The following OLFM2 variants were observed in gnomAD, a reference collection of about 807,000 sequenced individuals.
OLFM2 encodes the protein noelin-2.
OLFM2 carries 20 observed loss-of-function variants against 43.9 expected under a neutral mutation model. The observed-to-expected ratio is 0.46, with a 90% CI of 0.32 to 0.66. The LOEUF (loss-of-function observed/expected upper bound fraction) is 0.66, where lower values mean the gene tolerates loss of function less well. Among genes scored for constraint, OLFM2 ranks in the 30% least tolerant of loss-of-function variants. The pLI, the probability that OLFM2 is intolerant of heterozygous loss-of-function variation, is 0.04. For missense variants in OLFM2, 416 were observed against 643.6 expected, an observed-to-expected ratio of 0.65 and a Z score of 3.83; for synonymous variants, 268 against 278.6, an observed-to-expected ratio of 0.96 and a Z score of 0.38.
At chr19:9,908,921 G>C (rs933242180) in intron 1 of OLFM2, among the ~76,000 whole-genome samples, 1 of 152,124 alleles carries the variant, frequency 6.6e-6, no homozygotes, top group Non-Finnish European at 1.5e-5. Flanking sequence ...GTCCAGGCTG[G>C]TCTCGAACTC....
In OLFM2 at chr19:9,857,569, C is replaced by G; in HGVS notation, c.361-87G>C. ...CCAACCTCTGACTCATAACTTCACC[C>G]TTTGTCTTTGATGCACACCTGGCCC... On this transcript the variant is annotated intron_variant, in intron 3 of 5. Transcript: ENST00000264833. This position sits in a 1 kb window ranked among gnomAD's most constrained non-coding sequence, Gnocchi z 5.7. 1.3e-6 allele frequency: 2 copies of G among 1,562,608 alleles called. No homozygotes were observed. Among genetic ancestry groups the G allele is most frequent in the East Asian group, 2.3e-5 (1 of 44,158 alleles).
chr19:9,856,791 G>A lies in OLFM2; in HGVS notation c.687+16C>T. 6.2e-7 allele frequency: 1 copy of A among 1,604,540 alleles called. No individual in the cohort carries two copies. The highest frequency in any genetic ancestry group is 1.1e-5 in the South Asian group (1 of 90,248). Reference sequence around the variant, plus strand: ...CCTCCCAGGCCCTGACCCCAGGGGTGGGCGCAGTCACTCACCCGGCTATCC... The same window carrying A: ...CCTCCCAGGCCCTGACCCCAGGGGTAGGCGCAGTCACTCACCCGGCTATCC... On this transcript the variant is annotated intron_variant, in intron 5 of 5. Transcript: ENST00000264833. This position sits in a 1 kb window ranked among gnomAD's most constrained non-coding sequence, Gnocchi z 4.0.
intron 1 of OLFM2, among the ~76,000 whole-genome samples, chr19:9,883,589 G>A (rs1353017864): frequency 6.6e-6 from 1 of 152,120 alleles, no homozygotes; most frequent in Non-Finnish European, 1.5e-5. Flanking sequence ...AGCCAGAGGA[G>A]GCTGAAGACT....
intron 1 of OLFM2, among the ~76,000 whole-genome samples, chr19:9,933,082 C>T (rs1316081529): frequency 6.6e-6 from 1 of 152,148 alleles, no homozygotes; most frequent in East Asian, 1.9e-4. Flanking sequence ...TACCCCAGGG[C>T]CTTTGCACCT....
intron 1 of OLFM2, among the ~76,000 whole-genome samples, chr19:9,906,300 A>G (rs1599492886): frequency 6.8e-6 from 1 of 147,530 alleles, no homozygotes; most frequent in African/African-American, 2.7e-5. Context: ...GCGGGCACAC[A>G]GGGTGGGGGA....
At position 9,854,259 on chromosome 19, in the gene OLFM2, G is replaced by A. The variant is rs1311468997; in HGVS notation, c.1292C>T (p.Thr431Ile). 3 of 1,614,144 alleles carry A rather than the reference G, an allele frequency of 1.9e-6. No homozygotes were observed. The highest frequency in any genetic ancestry group is 4.5e-5 in the East Asian group (2 of 44,868). Residue 431 changes from threonine to isoleucine, a missense_variant, in exon 6 of 6, where the codon ACC becomes ATC. Coordinates refer to ENST00000264833, the MANE Select transcript of OLFM2 (RefSeq NM_058164.4). This position sits in a 1 kb window ranked among gnomAD's most constrained non-coding sequence, Gnocchi z 9.5. ...GAGCACCTGGTGGCCGTTGTTCCAG[G>A]TATAGAGGGCGCGCTCCCGGGGGTT... ...DYNPRERALYTWNNGHQVLYN... is the reference protein window; with the variant it reads ...DYNPRERALYIWNNGHQVLYN...
chr19:9,908,464 A>ATTTTTTTTTTTTTTTTTTTTTTTTTTTT (rs34305631), intron 1 of OLFM2, among the ~76,000 whole-genome samples: 1 of 40,364 alleles, frequency 2.5e-5, no homozygotes, highest in African/African-American at 1.2e-4. Context: ...CACCTGGCTA[A>ATTTTTTTTTTTTTTTTTTTTTTTTTTTT]TTTTTTTTTT....
chr19:9,867,181 G>C (rs952326404), intron 1 of OLFM2, among the ~76,000 whole-genome samples: 4 of 152,150 alleles, frequency 2.6e-5, no homozygotes, highest in African/African-American at 9.7e-5. Flanking sequence ...GACCAGTCTG[G>C]CCAACATGGT....
intron 1 of OLFM2, among the ~76,000 whole-genome samples, chr19:9,869,741 C>G (rs1316962043): frequency 6.6e-6 from 1 of 152,190 alleles, no homozygotes; most frequent in African/African-American, 2.4e-5. Context: ...CATCAGCTTC[C>G]TGAGCATCTG....
intron 1 of OLFM2, among the ~76,000 whole-genome samples, chr19:9,865,182 G>A (rs967980506): frequency 8.7e-5 from 12 of 138,522 alleles, no homozygotes; most frequent in African/African-American, 3.4e-4. Flanking sequence ...TTTTTTTTTT[G>A]GAGATGGAGT....
rs1265499414 is a variant in OLFM2, at chr19:9,936,460, G to A, written c.-94C>T. 2 of 930,066 alleles carry A rather than the reference G, an allele frequency of 2.2e-6. No individual in the cohort carries two copies. The highest frequency in any genetic ancestry group is 9.7e-5 in the South Asian group (2 of 20,670). 57.6% of individuals were successfully genotyped at this position (930,066 alleles called of 1,614,324 possible). ...CAGGCGCGACCCCGCCCGCCCGGCC[G>A]GGGCGACCCTGCGCCGCCGCCTCCC... On this transcript the variant is annotated 5_prime_UTR_variant, in exon 1 of 6. Transcript: ENST00000264833.
intron 1 of OLFM2, among the ~76,000 whole-genome samples, chr19:9,891,616 CAAAA>C (rs1373918070): frequency 1.9e-5 from 2 of 107,574 alleles, no homozygotes; most frequent in Non-Finnish European, 2.0e-5. Flanking sequence ...GACTCCATCT[CAAAA>C]AAAAAAAAAA....
chr19:9,922,746 C>G, intron 1 of OLFM2, among the ~76,000 whole-genome samples: 1 of 151,078 alleles, frequency 6.6e-6, no homozygotes, highest in Non-Finnish European at 1.5e-5. Context: ...GGCAAAACCC[C>G]GTCTCTACAA....
At chr19:9,855,862 G>A (rs761850008) in intron 5 of OLFM2, among the ~76,000 whole-genome samples, 5 of 152,018 alleles carry the variant, frequency 3.3e-5, no homozygotes, top group Non-Finnish European at 7.4e-5. Flanking sequence ...CAGACCCTAA[G>A]TGGACAATGC....
At chr19:9,929,332 C>T (rs1307153574) in intron 1 of OLFM2, among the ~76,000 whole-genome samples, 1 of 152,132 alleles carries the variant, frequency 6.6e-6, no homozygotes. Context: ...GTGGCTCACA[C>T]CTGTAATCCC....
chr19:9,902,051 T>C (rs181555671), intron 1 of OLFM2, among the ~76,000 whole-genome samples: 1 of 152,008 alleles, frequency 6.6e-6, no homozygotes, highest in Non-Finnish European at 1.5e-5. Flanking sequence ...TATTTCGAGA[T>C]GGAGTCTCGC....
intron 1 of OLFM2, among the ~76,000 whole-genome samples, chr19:9,911,942 C>G (rs1409901499): frequency 1.3e-5 from 2 of 152,104 alleles, no homozygotes; most frequent in Non-Finnish European, 2.9e-5. Context: ...ACAGGCAAAC[C>G]CATAGTCAGG....
At chr19:9,860,083 G>T (rs554474342) in intron 2 of OLFM2, among the ~76,000 whole-genome samples, 1 of 151,734 alleles carries the variant, frequency 6.6e-6, no homozygotes, top group Non-Finnish European at 1.5e-5. Flanking sequence ...TGGAGGTTGC[G>T]GTGAGCTGAG....
intron 1 of OLFM2, among the ~76,000 whole-genome samples, chr19:9,865,499 T>TC (rs2046395192): frequency 7.4e-6 from 1 of 135,958 alleles, no homozygotes; most frequent in African/African-American, 2.8e-5. Flanking sequence ...TTTTTTTTTT[T>TC]TTTTTTTTTT....
Sources: allele counts gnomAD v4.1 joint callset (sites outside exome capture counted in the v4.1 genomes callset), GRCh38; gene constraint gnomAD v4.1.1; non-coding constraint Gnocchi (gnomAD v3.1); transcripts MANE v1.5; gene names NCBI Gene and HGNC (gene_info 2026-07-23, HGNC 2026-07-21).